Variants in DOCK1 observed in about 807,000 individuals in gnomAD.
DOCK1 encodes the protein dedicator of cytokinesis protein 1.
Under a neutral mutation model 262.7 loss-of-function variants are expected in DOCK1, and 138 were observed. The observed-to-expected ratio is 0.53, with a 90% CI of 0.46 to 0.61. The LOEUF (loss-of-function observed/expected upper bound fraction) is 0.61, where lower values mean the gene tolerates loss of function less well. Ranked by LOEUF, DOCK1 falls within the 20% of genes least tolerant of loss-of-function variation. The pLI is 0.00. For missense variants in DOCK1, 1,908 were observed against 2,370.7 expected (o/e 0.80, Z 4.05); for synonymous variants, 866 against 867.4 (o/e 1.00, Z 0.03).
chr10:127,130,443 C>A (rs1269639727), intron 27 of DOCK1, among the ~76,000 whole-genome samples: 1 of 152,100 alleles, frequency 6.6e-6, no homozygotes, highest in African/African-American at 2.4e-5. Flanking sequence ...CACTGGTCAA[C>A]AGTTAAACTG....
At chr10:127,092,815 TTGG>T (rs1427001254) in intron 23 of DOCK1, among the ~76,000 whole-genome samples, 1 of 152,168 alleles carries the variant, frequency 6.6e-6, no homozygotes, top group Non-Finnish European at 1.5e-5. Context: ...TACAAAGGTA[TTGG>T]TCAGAAACAG....
At chr10:127,303,087 C>G (rs1246928604) in intron 29 of DOCK1, among the ~76,000 whole-genome samples, 1 of 152,100 alleles carries the variant, frequency 6.6e-6, no homozygotes, top group Non-Finnish European at 1.5e-5. Context: ...AGATTTTACT[C>G]AGGAGTATTG....
At chr10:127,174,779 T>C (rs1004661236) in intron 27 of DOCK1, among the ~76,000 whole-genome samples, 1 of 152,260 alleles carries the variant, frequency 6.6e-6, no homozygotes, top group Non-Finnish European at 1.5e-5. Context: ...CTTTTCCAAA[T>C]GTCACATGAA....
chr10:126,912,380 A>C (rs1430808480), intron 1 of DOCK1, among the ~76,000 whole-genome samples: 1 of 150,410 alleles, frequency 6.6e-6, no homozygotes. Flanking sequence ...CAGTGAGCCA[A>C]GATTGCGCCA....
At chr10:127,346,646 G>T (rs2063647329) in intron 31 of DOCK1, among the ~76,000 whole-genome samples, 1 of 152,186 alleles carries the variant, frequency 6.6e-6, no homozygotes, top group African/African-American at 2.4e-5. Context: ...AAGGGCCTTG[G>T]CTACTAAAGA....
chr10:127,156,712 G>A (rs1200060828), intron 27 of DOCK1, among the ~76,000 whole-genome samples: 1 of 151,696 alleles, frequency 6.6e-6, no homozygotes, highest in Non-Finnish European at 1.5e-5. Context: ...GGGATTACAG[G>A]CATACGCCAC....
intron 38 of DOCK1, among the ~76,000 whole-genome samples, chr10:127,399,114 G>A (rs939979692): frequency 7.2e-5 from 11 of 152,154 alleles, no homozygotes; most frequent in Non-Finnish European, 1.5e-4. Flanking sequence ...TGGGGAGACC[G>A]TGCTCCGTGC....
intron 27 of DOCK1, among the ~76,000 whole-genome samples, chr10:127,213,044 C>G (rs1029724512): frequency 1.3e-5 from 2 of 152,168 alleles, no homozygotes; most frequent in East Asian, 1.9e-4. Context: ...CTATCCATCC[C>G]CTTTAGATTA....
At chr10:127,151,163 G>A (rs1004392907) in intron 27 of DOCK1, among the ~76,000 whole-genome samples, 2 of 152,174 alleles carry the variant, frequency 1.3e-5, no homozygotes, top group South Asian at 2.1e-4. Context: ...AAGAGTAATC[G>A]TTAAACTTTA....
At chr10:127,199,647 A>G (rs1454809546) in intron 27 of DOCK1, among the ~76,000 whole-genome samples, 1 of 152,210 alleles carries the variant, frequency 6.6e-6, no homozygotes, top group Non-Finnish European at 1.5e-5. Flanking sequence ...CAAAGTTATC[A>G]ATGGTGGAAA....
intron 1 of DOCK1, among the ~76,000 whole-genome samples, chr10:126,918,910 G>A (rs2032844781): frequency 6.6e-6 from 1 of 151,838 alleles, no homozygotes. Flanking sequence ...GGACAGGTGG[G>A]CACGGAGGAT....
At chr10:127,263,605 A>G (rs1158876422) in intron 29 of DOCK1, among the ~76,000 whole-genome samples, 1 of 152,230 alleles carries the variant, frequency 6.6e-6, no homozygotes, top group African/African-American at 2.4e-5. Flanking sequence ...TAATCTTCCC[A>G]GAGGGGAGCA....
chr10:127,188,979 G>A (rs560554339), intron 27 of DOCK1, among the ~76,000 whole-genome samples: 3 of 152,324 alleles, frequency 2.0e-5, no homozygotes, highest in South Asian at 2.1e-4. Flanking sequence ...CCACCACGCT[G>A]CACTCCACTG....
chr10:127,174,811 C>T (rs529089847), intron 27 of DOCK1, among the ~76,000 whole-genome samples: 60 of 152,324 alleles, frequency 3.9e-4, no homozygotes, highest in East Asian at 3.9e-4. Context: ...CTTCCTAATA[C>T]GATTCCTAAG....
intron 23 of DOCK1, among the ~76,000 whole-genome samples, chr10:127,068,849 A>G (rs946341518): frequency 6.6e-6 from 1 of 152,180 alleles, no homozygotes; most frequent in African/African-American, 2.4e-5. Flanking sequence ...GTATATATCT[A>G]CCTGTGTCCT....
At chr10:126,926,078 G>A (rs563113257) in intron 1 of DOCK1, among the ~76,000 whole-genome samples, 76 of 152,124 alleles carry the variant, frequency 5.0e-4, no homozygotes, top group African/African-American at 1.6e-3. Flanking sequence ...AATAGTACTT[G>A]CTTCCTGTGA....
Position 127,373,884 on chromosome 10 carries a change from G to C in DOCK1, c.3518+18G>C. 1 of 1,592,626 alleles carries C rather than the reference G, an allele frequency of 6.3e-7. No homozygotes were observed. Among genetic ancestry groups the C allele is most frequent in the Non-Finnish European group, 8.6e-7 (1 of 1,168,304 alleles). On this transcript the variant is annotated intron_variant, in intron 34 of 51. Transcript: ENST00000623213. The stretch of plus-strand genomic sequence containing the variant: ...GATAAAATGTAAGTGTTGATTAGCA[G>C]TGGGATTTATGTCTGAGAGATACAG...
chr10:127,203,178 G>C (rs1420043849), intron 27 of DOCK1, among the ~76,000 whole-genome samples: 1 of 152,084 alleles, frequency 6.6e-6, no homozygotes, highest in Non-Finnish European at 1.5e-5. Flanking sequence ...CACAATATAC[G>C]TATCCCATCT....
At chr10:127,419,437 G>A (rs1412128668) in intron 45 of DOCK1, among the ~76,000 whole-genome samples, 2 of 152,226 alleles carry the variant, frequency 1.3e-5, no homozygotes, top group African/African-American at 2.4e-5. Flanking sequence ...TGGACCCCAA[G>A]AACTGGGGTT....
Sources: allele counts gnomAD v4.1 joint callset (sites outside exome capture counted in the v4.1 genomes callset), GRCh38; gene constraint gnomAD v4.1.1; transcripts MANE v1.5; gene names NCBI Gene and HGNC (gene_info 2026-07-23, HGNC 2026-07-21).